Variants in MTOR observed in about 807,000 individuals in gnomAD.
MTOR encodes mechanistic target of rapamycin kinase, also known as serine/threonine-protein kinase mTOR.
MTOR carries 70 observed loss-of-function variants against 319.8 expected under a neutral mutation model. That is an observed-to-expected ratio of 0.22 (90% CI 0.18 to 0.27). MTOR has a LOEUF of 0.27. Ranked by LOEUF, MTOR falls within the 10% of genes least tolerant of loss-of-function variation. The pLI, the probability that MTOR is intolerant of heterozygous loss-of-function variation, is 1.00. For synonymous variants in MTOR, 1,183 were observed against 1,211.4 expected (o/e 0.98, Z 0.49); for missense variants, 1,890 against 3,274.4 (o/e 0.58, Z 10.32).
intron 49 of MTOR, among the ~76,000 whole-genome samples, chr1:11,119,640 G>A (rs1330081522): frequency 6.9e-6 from 1 of 145,550 alleles, no homozygotes; most frequent in Non-Finnish European, 1.5e-5. Flanking sequence ...CAGGTACTCT[G>A]GAGGCTGAGG....
intron 28 of MTOR, among the ~76,000 whole-genome samples, chr1:11,179,146 T>C (rs1284153671): frequency 1.3e-5 from 2 of 152,228 alleles, no homozygotes; most frequent in East Asian, 3.9e-4. Context: ...GAGAGACCAG[T>C]GGTGCCCCTA....
chr1:11,247,676 T>C lies in MTOR; in HGVS notation c.1174A>G (p.Ile392Val), dbSNP rs749850706. ...GCCAAGCGGGGCAACAAATTAAGGATTGTCATTTGGATCAGCGAGTTCTTG... is the reference window on the plus strand; with the variant it reads ...GCCAAGCGGGGCAACAAATTAAGGACTGTCATTTGGATCAGCGAGTTCTTG... ...NSKNSLIQMT[I>V]LNLLPRLAAF... The change falls in exon 8 of 58, where the codon ATC becomes GTC. Residue 392 changes from isoleucine (I) to valine (V), a missense_variant. By Grantham distance (29) the Ile-to-Val change is conservative. Coordinates refer to ENST00000361445, the MANE Select transcript of MTOR (RefSeq NM_004958.4). 69 of 1,613,998 alleles carry C rather than the reference T, an allele frequency of 4.3e-5. No homozygotes were observed. Among genetic ancestry groups the C allele is most frequent in the East Asian group, 3.3e-4 (15 of 44,888 alleles).
chr1:11,261,802 G>A (rs771421532), intron 1 of MTOR, among the ~76,000 whole-genome samples: 1 of 152,136 alleles, frequency 6.6e-6, no homozygotes, highest in Non-Finnish European at 1.5e-5. Context: ...CGAAAGGGGG[G>A]AAGGTGGCTG....
At position 11,106,866 on chromosome 1, in the gene MTOR, T is replaced by C. The variant is rs900344983; in HGVS notation, c.*619A>G. The C allele has an allele frequency of 9.0e-6, 12 of 1,340,158 alleles. No homozygotes were observed. The African/African-American group carries it at 1.7e-4, about 19-fold the overall frequency. 83.0% of individuals were successfully genotyped at this position (1,340,158 alleles called of 1,614,324 possible). On this transcript the variant is annotated 3_prime_UTR_variant, in exon 58 of 58. Coordinates refer to ENST00000361445, the MANE Select transcript of MTOR (RefSeq NM_004958.4). ...CAGCGATCTGAATAAACCTCCCTAC[T>C]AGCGGTCAGGTCTTGAATTGAAGCG...
chr1:11,231,345 T>C lies in MTOR; in HGVS notation c.2604A>G (p.Leu868=). ...YRKYPTLLEV[L]LNFLKTEQNQ... ...TCTGCTCAGTCTTCAGAAAATTCAG[T>C]AGCACCTCAAGCAAAGTAGGGTACT... Residue 868 remains leucine, a synonymous_variant, in exon 17 of 58, where the codon CTA becomes CTG. Coordinates refer to ENST00000361445, the MANE Select transcript of MTOR (RefSeq NM_004958.4). The C allele has an allele frequency of 6.2e-7, 1 of 1,614,130 alleles. No individual in the cohort carries two copies. The highest frequency in any genetic ancestry group is 1.1e-5 in the South Asian group (1 of 91,078).
intron 38 of MTOR, chr1:11,132,534 A>C (rs1643212550): frequency 6.6e-6 from 1 of 152,404 alleles, no homozygotes; most frequent in African/African-American, 2.4e-5. Context: ...AAGAAAGTAT[A>C]TTCTCACCAA....
intron 28 of MTOR, among the ~76,000 whole-genome samples, chr1:11,169,929 G>A (rs1012524634): frequency 1.3e-5 from 2 of 152,178 alleles, no homozygotes; most frequent in African/African-American, 4.8e-5. Flanking sequence ...TACACCTACG[G>A]TGGAGACTTA....
At chr1:11,156,445 T>C (rs1571017461) in intron 30 of MTOR, among the ~76,000 whole-genome samples, 1 of 152,206 alleles carries the variant, frequency 6.6e-6, no homozygotes, top group East Asian at 1.9e-4. Context: ...AACCAAAACC[T>C]AGCCAAATGT....
intron 47 of MTOR, among the ~76,000 whole-genome samples, 179 bp from the exon 48 acceptor site, chr1:11,122,305 G>C (rs1292981335): frequency 6.6e-6 from 1 of 151,860 alleles, no homozygotes; most frequent in Non-Finnish European, 1.5e-5. Flanking sequence ...CTGGGTTCAA[G>C]TGATCCTCCT....
chr1:11,107,464 T>C lies in MTOR; in HGVS notation c.*21A>G, dbSNP rs1207876031. The stretch of plus-strand genomic sequence containing the variant: ...TACAAAAGCCTCAGAAAAAACGTGA[T>C]GGGCACATCTGGGCCTCCAGTTACC... On this transcript the variant is annotated 3_prime_UTR_variant, in exon 58 of 58. Coordinates refer to ENST00000361445, the MANE Select transcript of MTOR (RefSeq NM_004958.4). 5.6e-6 allele frequency: 9 copies of C among 1,608,532 alleles called. No homozygotes were observed. The highest frequency in any genetic ancestry group is 7.6e-6 in the Non-Finnish European group (9 of 1,178,740).
At chr1:11,116,718 T>A (rs899874533) in intron 50 of MTOR, among the ~76,000 whole-genome samples, 4 of 152,108 alleles carry the variant, frequency 2.6e-5, no homozygotes, top group African/African-American at 9.7e-5. Flanking sequence ...GTTGGTCTCA[T>A]ACTCCTGGGC....
At chr1:11,228,297 T>C (rs1646911640) in intron 19 of MTOR, among the ~76,000 whole-genome samples, 2 of 152,000 alleles carry the variant, frequency 1.3e-5, no homozygotes, top group Admixed American at 6.6e-5. Flanking sequence ...CAAGGGATTC[T>C]CCTGCCTTAG....
chr1:11,224,624 C>T (rs546305450), intron 19 of MTOR, among the ~76,000 whole-genome samples: 2 of 152,152 alleles, frequency 1.3e-5, no homozygotes, highest in East Asian at 3.9e-4. Flanking sequence ...CACAAGTATT[C>T]CCAAGGATAT....
intron 28 of MTOR, among the ~76,000 whole-genome samples, chr1:11,172,431 G>A (rs371596765): frequency 4.0e-5 from 6 of 149,884 alleles, no homozygotes; most frequent in African/African-American, 1.5e-4. Context: ...GGTGGTGGGC[G>A]CCTGTATAGT....
rs576978925 is a variant in MTOR, at chr1:11,175,911, A to T, written c.4254-8394T>A. The stretch of plus-strand genomic sequence containing the variant: ...GGTGCGCGCCACTACTGCCCAGCTA[A>T]TTTTTCTATTTTTAGTAGTAGAGAT... On this transcript the variant is annotated intron_variant, in intron 28 of 57. Coordinates refer to ENST00000361445, the MANE Select transcript of MTOR (RefSeq NM_004958.4). 3.3e-4 allele frequency among the ~76,000 whole-genome samples: 50 copies of T among 151,894 alleles called. No individual in the cohort carries two copies. In the South Asian group the frequency reaches 8.3e-3, roughly 25 times the overall value.
Position 11,160,609 on chromosome 1 carries a change from G to C in MTOR, c.4330-3318C>G, listed in dbSNP as rs146531140. On this transcript the variant is annotated intron_variant, in intron 29 of 57. Coordinates refer to ENST00000361445, the MANE Select transcript of MTOR (RefSeq NM_004958.4). ...GCTCAGACCAGTTCTTAACCTGCTG[G>C]GACCACAGTCTCCTCATCTGTAAAA... is the stretch of plus-strand genomic sequence containing the variant. 2.6e-3 allele frequency among the ~76,000 whole-genome samples: 389 copies of C among 152,202 alleles called. 2 individuals are homozygous for C. Among genetic ancestry groups the C allele is most frequent in the African/African-American group, 7.9e-3 (330 of 41,522 alleles).
chr1:11,122,828 C>G (rs1198986720), intron 47 of MTOR, among the ~76,000 whole-genome samples: 1 of 152,028 alleles, frequency 6.6e-6, no homozygotes, highest in African/African-American at 2.4e-5. Context: ...TTTTAATGAG[C>G]CCCCGCCGCA....
intron 6 of MTOR, 112 bp downstream of exon 6, chr1:11,253,724 TTTA>T (rs1650002800): frequency 8.5e-7 from 1 of 1,173,494 alleles, no homozygotes; most frequent in African/African-American, 1.5e-5. Context: ...TATTTACTTA[TTTA>T]TTATGTTTCC....
At chr1:11,178,093 G>C (rs1645043142) in intron 28 of MTOR, among the ~76,000 whole-genome samples, 1 of 152,168 alleles carries the variant, frequency 6.6e-6, no homozygotes, top group African/African-American at 2.4e-5. Flanking sequence ...GTTAGCAGCA[G>C]CACTTGTTAG....
Sources: gnomAD v4.1 joint callset for allele counts (sites outside exome capture counted in the v4.1 genomes callset) on GRCh38, gnomAD v4.1.1 for gene constraint, MANE v1.5 for transcripts, NCBI Gene and HGNC (gene_info 2026-07-23, HGNC 2026-07-21) for gene names.